Variants in DAAM1 observed in about 807,000 individuals in gnomAD.
DAAM1 encodes dishevelled associated activator of morphogenesis 1, also known as disheveled-associated activator of morphogenesis 1.
In DAAM1, 52 loss-of-function variants were observed where a neutral mutation model predicts 130.0. That is an observed-to-expected ratio of 0.40 (90% confidence interval 0.32 to 0.50). The LOEUF (loss-of-function observed/expected upper bound fraction) is 0.50. DAAM1 is among the 20% of genes least tolerant of loss of function. The pLI, the probability that DAAM1 is intolerant of heterozygous loss-of-function variation, is 0.61. For synonymous variants in DAAM1, 452 were observed against 444.5 expected (o/e 1.02, Z -0.21); for missense variants, 1,134 against 1,303.8 (o/e 0.87, Z 2.01).
chr14:59,302,134 A>T (rs1177279966), intron 3 of DAAM1, among the ~76,000 whole-genome samples: 1 of 152,230 alleles, frequency 6.6e-6, no homozygotes, highest in African/African-American at 2.4e-5. Context: ...CTGAAAGAAG[A>T]AAATCCAAAA....
intron 1 of DAAM1, among the ~76,000 whole-genome samples, chr14:59,192,237 A>G (rs1887755202): frequency 6.6e-6 from 1 of 150,822 alleles, no homozygotes; most frequent in Admixed American, 6.7e-5. Flanking sequence ...TAGTGTTGGC[A>G]CTATGGTCCT....
intron 20 of DAAM1, among the ~76,000 whole-genome samples, chr14:59,357,822 A>G (rs1225050259): frequency 3.9e-5 from 6 of 152,186 alleles, no homozygotes. Context: ...AGCTGAACAT[A>G]TGAAAAATAA....
At chr14:59,190,905 T>C (rs915685080) in intron 1 of DAAM1, among the ~76,000 whole-genome samples, 3 of 152,350 alleles carry the variant, frequency 2.0e-5, no homozygotes, top group African/African-American at 7.2e-5. Flanking sequence ...ATGTGACTAT[T>C]TATAATACTG....
At chr14:59,347,151 A>G (rs776817353) in intron 16 of DAAM1, among the ~76,000 whole-genome samples, 2 of 152,208 alleles carry the variant, frequency 1.3e-5, no homozygotes, top group Non-Finnish European at 2.9e-5. Context: ...ACTTGATAGC[A>G]AACTTTAAAC....
chr14:59,336,891 C>CA (rs1171137649), intron 15 of DAAM1, among the ~76,000 whole-genome samples: 1 of 152,166 alleles, frequency 6.6e-6, no homozygotes, highest in Admixed American at 6.6e-5. Context: ...ACGTGATTGT[C>CA]ATGTTTAATC....
intron 1 of DAAM1, among the ~76,000 whole-genome samples, chr14:59,216,724 G>GAA (rs955174597): frequency 7.4e-6 from 1 of 134,544 alleles, no homozygotes; most frequent in Non-Finnish European, 1.6e-5. Context: ...TGTCTCAAAA[G>GAA]AAAAAAAAAA....
At chr14:59,320,310 C>T (rs949965463) in intron 4 of DAAM1, among the ~76,000 whole-genome samples, 180 bp from the exon 5 acceptor site, 9 of 152,152 alleles carry the variant, frequency 5.9e-5, no homozygotes, top group Non-Finnish European at 1.3e-4. Flanking sequence ...GTCATCTCTA[C>T]GAAGATTTCT....
chr14:59,216,815 G>A (rs974436666), intron 1 of DAAM1, among the ~76,000 whole-genome samples: 2 of 151,940 alleles, frequency 1.3e-5, no homozygotes, highest in East Asian at 1.9e-4. Flanking sequence ...TTGACTAACC[G>A]TTTGTGTGAT....
intron 2 of DAAM1, among the ~76,000 whole-genome samples, chr14:59,282,385 A>G (rs138569396): frequency 2.6e-5 from 4 of 152,324 alleles, no homozygotes; most frequent in South Asian, 4.1e-4. Context: ...ATAGATGACT[A>G]TCAGGAATAT....
rs150115749 is a variant in DAAM1, at chr14:59,324,502, G to C, written c.989+48G>C. ...GAGAAAGTTTCTGTGTTTCCCATCT[G>C]TGTAATGCAATACCTCATCAAGTGC... On this transcript the variant is annotated intron_variant, in intron 8 of 24. Coordinates refer to ENST00000360909, the MANE Select transcript of DAAM1 (RefSeq NM_001270520.2). 4.5e-4 allele frequency: 582 copies of C among 1,304,692 alleles called. 4 individuals are homozygous for C. The African/African-American group carries it at 7.6e-3, about 17-fold the overall frequency. 80.8% of individuals were successfully genotyped at this position (1,304,692 alleles called of 1,614,324 possible).
In DAAM1 at chr14:59,331,845, T is replaced by G. The variant is rs966912575; in HGVS notation, c.1893T>G (p.Ile631Met). 1.9e-6 allele frequency: 3 copies of G among 1,613,990 alleles called. No individual in the cohort carries two copies. Among genetic ancestry groups the G allele is most frequent in the Non-Finnish European group, 2.5e-6 (3 of 1,180,002 alleles). Residue 631 changes from isoleucine to methionine, a missense_variant, in exon 15 of 25, where the codon ATT becomes ATG. Physicochemically the swap from Ile to Met is conservative, Grantham distance 10. Transcript: ENST00000360909. ...TGGAAGGAACAGTATGGACCGAAAT[T>G]GATGATACAAAAGTCTTCAAAATTC... ...NKLEGTVWTE[I>M]DDTKVFKILD...
At chr14:59,245,210 G>T (rs1407915375) in intron 1 of DAAM1, among the ~76,000 whole-genome samples, 2 of 152,170 alleles carry the variant, frequency 1.3e-5, no homozygotes, top group Admixed American at 6.5e-5. Flanking sequence ...CTCTTTTGAT[G>T]TCATACCACC....
intron 17 of DAAM1, among the ~76,000 whole-genome samples, chr14:59,351,827 A>C (rs937689226): frequency 6.6e-6 from 1 of 152,150 alleles, no homozygotes; most frequent in Admixed American, 6.5e-5. Context: ...ACACATCCAA[A>C]ACGTGTGTAC....
At chr14:59,358,134 C>T (rs976887791) in intron 20 of DAAM1, among the ~76,000 whole-genome samples, 1 of 152,178 alleles carries the variant, frequency 6.6e-6, no homozygotes, top group African/African-American at 2.4e-5. Context: ...TTGATAAAAT[C>T]AACAGGGAGT....
chr14:59,271,057 T>C (rs943698282), intron 2 of DAAM1, among the ~76,000 whole-genome samples: 3 of 152,210 alleles, frequency 2.0e-5, no homozygotes, highest in Admixed American at 1.3e-4. Flanking sequence ...GGAAATAATA[T>C]GCAGTTTGAA....
Position 59,331,461 on chromosome 14 carries a change from C to CA in DAAM1, c.1814dup (p.Pro606AlafsTer12). 6.2e-7 allele frequency: 1 copy of CA among 1,612,858 alleles called. No homozygotes were observed. The highest frequency in any genetic ancestry group is 8.5e-7 in the Non-Finnish European group (1 of 1,179,354). On this transcript the variant is annotated frameshift_variant, in exon 14 of 25. Coordinates refer to ENST00000360909, the MANE Select transcript of DAAM1 (RefSeq NM_001270520.2). LOFTEE classifies it high-confidence loss of function. ...AGCACTGAAGAAGAAAAGCATTCCT[C>CA]AGCCCACAAATGCCCTGAAATCCTT...
At chr14:59,256,708 C>T (rs1436778273) in intron 1 of DAAM1, among the ~76,000 whole-genome samples, 1 of 152,158 alleles carries the variant, frequency 6.6e-6, no homozygotes, top group African/African-American at 2.4e-5. Context: ...ACCTAGGTCC[C>T]TAGTTTCAGA....
At chr14:59,338,339 T>G (rs374379919) in intron 15 of DAAM1, 51 of 1,604,440 alleles carry the variant, frequency 3.2e-5, no homozygotes, top group Non-Finnish European at 4.3e-5. Context: ...ACTTCTGAAC[T>G]GCATATATCT....
chr14:59,207,369 A>G (rs1888291220), intron 1 of DAAM1, among the ~76,000 whole-genome samples: 1 of 152,202 alleles, frequency 6.6e-6, no homozygotes, highest in African/African-American at 2.4e-5. Flanking sequence ...CAGAGCTGTG[A>G]GATAGTCTAG....
Sources: gnomAD v4.1 joint callset for allele counts (sites outside exome capture counted in the v4.1 genomes callset) on GRCh38, gnomAD v4.1.1 for gene constraint, MANE v1.5 for transcripts, NCBI Gene and HGNC (gene_info 2026-07-23, HGNC 2026-07-21) for gene names.